RBFOX1: variants seen among roughly 807,000 people sequenced by gnomAD.
RBFOX1 encodes RNA binding fox-1 homolog 1, also known as RNA binding protein fox-1 homolog 1.
RBFOX1 carries 8 observed loss-of-function variants against 57.7 expected under a neutral mutation model. The ratio of observed to expected loss-of-function variants is 0.14; its 90% CI spans 0.08 to 0.25. The LOEUF (loss-of-function observed/expected upper bound fraction) is 0.25. Ranked by LOEUF, RBFOX1 falls within the 10% of genes least tolerant of loss-of-function variation. The pLI is 1.00. For synonymous variants in RBFOX1, 326 were observed against 222.4 expected, an observed-to-expected ratio of 1.47 and a Z score of -4.15; for missense variants, 611 against 548.5, an observed-to-expected ratio of 1.11 and a Z score of -1.14.
intron 13 of RBFOX1, among the ~76,000 whole-genome samples, chr16:7,665,815 CA>C (rs1327102073): frequency 6.6e-6 from 1 of 151,938 alleles, no homozygotes; most frequent in East Asian, 1.9e-4. Flanking sequence ...GACTAGATAG[CA>C]AAAAAATCAT....
intron 3 of RBFOX1, among the ~76,000 whole-genome samples, chr16:5,714,610 G>A (rs985305908): frequency 6.6e-6 from 1 of 152,290 alleles, no homozygotes; most frequent in South Asian, 2.1e-4. Context: ...CATTACTGTG[G>A]CAATAGGTAA....
chr16:6,525,393 T>G (rs1488855661), intron 2 of RBFOX1, among the ~76,000 whole-genome samples: 1 of 152,142 alleles, frequency 6.6e-6, no homozygotes, highest in Admixed American at 6.6e-5. Flanking sequence ...AGCTGAGCCA[T>G]GAAGCATTGG....
chr16:7,661,361 C>T (rs576670361), intron 12 of RBFOX1, among the ~76,000 whole-genome samples: 38 of 152,226 alleles, frequency 2.5e-4, no homozygotes, highest in African/African-American at 8.2e-4. Context: ...TATACGTTTC[C>T]CCCCAGCCCT....
chr16:7,171,728 C>T (rs67566071), intron 4 of RBFOX1, among the ~76,000 whole-genome samples: 29,148 of 152,132 alleles, frequency 0.19, 4,195 homozygotes, highest in East Asian at 0.39. Flanking sequence ...ACAGCTAAGC[C>T]TCAGAACTGT....
intron 3 of RBFOX1, among the ~76,000 whole-genome samples, chr16:7,042,705 C>A (rs1351525479): frequency 1.3e-5 from 2 of 152,164 alleles, no homozygotes; most frequent in Admixed American, 1.3e-4. Flanking sequence ...GCGGGCGGAT[C>A]ATTTGAGGTC....
Position 5,545,457 on chromosome 16 carries a change from A to G in RBFOX1, c.259-53445A>G, listed in dbSNP as rs990860378. ...TCTATCATGAATATAGATGCAAATA[A>G]TTGTAAACAAAATTTTAGCAAAGCA... On this transcript the variant is annotated intron_variant, in intron 2 of 2. Transcript: ENST00000585867. Among the ~76,000 whole-genome samples the G allele has an allele frequency of 6.6e-5, 10 of 152,332 alleles. No homozygotes were observed. The South Asian group carries it at 1.7e-3, about 25-fold the overall frequency.
At chr16:7,154,574 A>G (rs769213043) in intron 4 of RBFOX1, among the ~76,000 whole-genome samples, 6 of 152,130 alleles carry the variant, frequency 3.9e-5, no homozygotes, top group Non-Finnish European at 8.8e-5. Context: ...AAAACTATTT[A>G]TATTTAAACT....
In RBFOX1 at chr16:7,001,118, T is replaced by C. The variant is rs190317478; in HGVS notation, c.-15-50939T>C. 8.7e-4 allele frequency among the ~76,000 whole-genome samples: 133 copies of C among 152,270 alleles called. 1 individual carries two copies. The highest frequency in any genetic ancestry group is 3.1e-3 in the African/African-American group (130 of 41,548). On this transcript the variant is annotated intron_variant, in intron 3 of 15. Transcript: ENST00000550418. ...TGTGAGAAAAATAGGGGCATCTGTA[T>C]CTTCCTTCATTTTTTTCCAGTTTTC...
At chr16:6,265,697 G>C (rs188738341) in intron 1 of RBFOX1, among the ~76,000 whole-genome samples, 2 of 152,198 alleles carry the variant, frequency 1.3e-5, no homozygotes, top group African/African-American at 4.8e-5. Flanking sequence ...TGCACCCAGC[G>C]TGGGAAAAGG....
At chr16:6,391,403 G>C (rs1030818724) in intron 2 of RBFOX1, among the ~76,000 whole-genome samples, 4 of 151,882 alleles carry the variant, frequency 2.6e-5, no homozygotes, top group African/African-American at 9.7e-5. Context: ...CCAGCTACTG[G>C]GGAGGCTGAG....
rs561254367 is a variant in RBFOX1, at chr16:6,860,334, C to G, written c.-15-191723C>G. On this transcript the variant is annotated intron_variant, in intron 3 of 15. Transcript: ENST00000550418. ...TTCTGATGGAGTCAAGTGTTTTTGG[C>G]TGGGGGTGGTAATATTTGGGAAGCA... Among the ~76,000 whole-genome samples, 7 of 152,202 alleles carry G rather than the reference C, an allele frequency of 4.6e-5. No homozygotes were observed. In the South Asian group the frequency reaches 8.3e-4, roughly 18 times the overall value.
chr16:6,824,457 T>C (rs549921760), intron 3 of RBFOX1, among the ~76,000 whole-genome samples: 11 of 152,338 alleles, frequency 7.2e-5, no homozygotes, highest in African/African-American at 2.6e-4. Flanking sequence ...AGATGTTCTA[T>C]TGCTTTAAAT....
chr16:6,823,663 G>C (rs1357088742), intron 3 of RBFOX1, among the ~76,000 whole-genome samples: 1 of 152,070 alleles, frequency 6.6e-6, no homozygotes, highest in Non-Finnish European at 1.5e-5. Flanking sequence ...ATTTCTTAGG[G>C]TCAGTGGAAA....
At chr16:5,252,165 G>A (rs980939052) in intron 1 of RBFOX1, among the ~76,000 whole-genome samples, 7 of 152,174 alleles carry the variant, frequency 4.6e-5, no homozygotes, top group African/African-American at 7.2e-5. Flanking sequence ...GGAAGGGTGG[G>A]GACCCTCATC....
chr16:6,478,425 A>T (rs1313267515), intron 2 of RBFOX1, among the ~76,000 whole-genome samples: 1,140 of 11,340 alleles, frequency 0.1, 43 homozygotes, highest in Non-Finnish European at 0.12. Context: ...ATATATATAT[A>T]TATATTTTTT....
chr16:5,239,916 C>T, exon 1 of RBFOX1: 1 of 1,510,734 alleles, frequency 6.6e-7, no homozygotes, highest in South Asian at 1.2e-5. Context: ...GCTCCGAAGC[C>T]ACTGGCAAGC....
chr16:7,351,709 C>A (rs1460578816), intron 4 of RBFOX1, among the ~76,000 whole-genome samples: 1 of 152,152 alleles, frequency 6.6e-6, no homozygotes, highest in Non-Finnish European at 1.5e-5. Context: ...ACTTTACTCT[C>A]CCATGCCCTA....
intron 3 of RBFOX1, among the ~76,000 whole-genome samples, chr16:6,901,050 G>T (rs905983013): frequency 6.6e-6 from 1 of 152,172 alleles, no homozygotes; most frequent in Non-Finnish European, 1.5e-5. Context: ...CGGGTGCTGT[G>T]TTCACAGCTT....
At chr16:7,037,159 C>T (rs1418009213) in intron 3 of RBFOX1, among the ~76,000 whole-genome samples, 1 of 151,728 alleles carries the variant, frequency 6.6e-6, no homozygotes, top group Admixed American at 6.6e-5. Flanking sequence ...CTTGTGCTGA[C>T]CTCCTATCTT....
Sources: allele counts gnomAD v4.1 joint callset (sites outside exome capture counted in the v4.1 genomes callset), GRCh38; gene constraint gnomAD v4.1.1; transcripts MANE v1.5; gene names NCBI Gene and HGNC (gene_info 2026-07-23, HGNC 2026-07-21).